Variants in DCAF1 observed in about 807,000 individuals in gnomAD.
DCAF1 encodes the protein DDB1- and CUL4-associated factor 1.
In DCAF1, 15 loss-of-function variants were observed where a neutral mutation model predicts 128.0. The observed-to-expected ratio is 0.12, with a 90% CI of 0.08 to 0.18. The LOEUF is 0.18. Among genes scored for constraint, DCAF1 ranks in the 10% least tolerant of loss-of-function variants. DCAF1 has a pLI of 1.00. For missense variants in DCAF1, 988 were observed against 1,649.5 expected (o/e 0.60, Z 6.95); for synonymous variants, 610 against 603.0 (o/e 1.01, Z -0.17).
chr3:51,485,881 ATTTATTTTT>A (rs1393527988), intron 2 of DCAF1, among the ~76,000 whole-genome samples: 10 of 17,664 alleles, frequency 5.7e-4, no homozygotes, highest in Middle Eastern at 0.071. Flanking sequence ...CAAAAAGATT[ATTTATTTTT>A]TTTTTTTTTT....
In DCAF1 at chr3:51,451,069, C is replaced by CTTTTTTTTTTTT. The variant is rs1167474829; in HGVS notation, c.376-7178_376-7167dup. On this transcript the variant is annotated intron_variant, in intron 6 of 24. Coordinates refer to ENST00000684031, the MANE Select transcript of DCAF1 (RefSeq NM_001387579.1). ...CAATGAACAATATAAAAAGGAAATT[C>CTTTTTTTTTTTT]TTTTTTTTTTTTTTTTTTTTTTTTT... Among the ~76,000 whole-genome samples, 22 of 27,110 alleles carry CTTTTTTTTTTTT rather than the reference C, an allele frequency of 8.1e-4. 10 individuals carry two copies. Among genetic ancestry groups the CTTTTTTTTTTTT allele is most frequent in the Non-Finnish European group, 1.1e-3 (16 of 14,666 alleles). 17.8% of individuals were successfully genotyped at this position (27,110 alleles called of 152,430 possible).
intron 9 of DCAF1, among the ~76,000 whole-genome samples, chr3:51,439,062 G>C (rs1398378328): frequency 2.0e-5 from 3 of 152,116 alleles, no homozygotes; most frequent in Non-Finnish European, 4.4e-5. Flanking sequence ...ATTAAGTGTG[G>C]ACCTTGTGAA....
At chr3:51,460,755 C>T (rs1553644263) in intron 6 of DCAF1, among the ~76,000 whole-genome samples, 4 of 151,476 alleles carry the variant, frequency 2.6e-5, no homozygotes, top group Admixed American at 1.3e-4. Context: ...GAAATAATGC[C>T]GCATATCTAC....
chr3:51,463,709 G>C (rs1483442633), intron 5 of DCAF1, among the ~76,000 whole-genome samples: 8 of 152,010 alleles, frequency 5.3e-5, no homozygotes, highest in African/African-American at 1.7e-4. Context: ...CCAGAGCCCA[G>C]GATGTCAAGG....
At chr3:51,401,801 A>G (rs191752285) in intron 24 of DCAF1, among the ~76,000 whole-genome samples, 160 of 152,376 alleles carry the variant, frequency 1.1e-3, no homozygotes, top group South Asian at 3.5e-3. Context: ...GAAAGGAGGT[A>G]TAACTTGTTT....
intron 9 of DCAF1, among the ~76,000 whole-genome samples, chr3:51,433,533 C>T (rs1203530350): frequency 6.6e-6 from 1 of 151,600 alleles, no homozygotes; most frequent in African/African-American, 2.4e-5. Flanking sequence ...GCAGTCTTGG[C>T]TCACTGCAAC....
At chr3:51,431,665 G>A (rs1191566683) in intron 10 of DCAF1, among the ~76,000 whole-genome samples, 1 of 152,066 alleles carries the variant, frequency 6.6e-6, no homozygotes, top group Non-Finnish European at 1.5e-5. Flanking sequence ...TATAAAACAA[G>A]CATCAGCTGA....
At chr3:51,396,895 C>CTTAACCAGTAAA (rs2089240070), downstream of DCAF1, 5 of 167,012 alleles carry the variant, frequency 3.0e-5, no homozygotes, top group Non-Finnish European at 7.3e-5. Context: ...TCAGACTATT[C>CTTAACCAGTAAA]CACTGGTTAA....
chr3:51,426,187 T>C (rs1168794638), intron 13 of DCAF1, among the ~76,000 whole-genome samples: 2 of 152,038 alleles, frequency 1.3e-5, no homozygotes, highest in African/African-American at 4.8e-5. Flanking sequence ...AAATTTTTCA[T>C]GAATAACGCA....
chr3:51,483,241 C>A (rs913149726), intron 3 of DCAF1, among the ~76,000 whole-genome samples: 1 of 150,330 alleles, frequency 6.7e-6, no homozygotes, highest in Non-Finnish European at 1.5e-5. Context: ...GAGTTCGAGA[C>A]CAGCCTGATC....
chr3:51,482,643 T>C (rs1706357688), intron 3 of DCAF1, among the ~76,000 whole-genome samples: 1 of 148,264 alleles, frequency 6.7e-6, no homozygotes, highest in African/African-American at 2.5e-5. Flanking sequence ...CGTGCACCTG[T>C]AATCCCAGCT....
chr3:51,408,651 TCCA>T (rs1553627440), intron 23 of DCAF1, among the ~76,000 whole-genome samples: 2 of 152,098 alleles, frequency 1.3e-5, no homozygotes, highest in African/African-American at 4.8e-5. Flanking sequence ...ACAGCCAAAC[TCCA>T]CCACAAGATT....
chr3:51,467,996 C>G (rs1450569129), intron 4 of DCAF1, among the ~76,000 whole-genome samples: 1 of 152,142 alleles, frequency 6.6e-6, no homozygotes, highest in Non-Finnish European at 1.5e-5. Context: ...TAAGGACACC[C>G]TGGGTCAGGG....
At chr3:51,440,490 C>T (rs1553638321) in intron 9 of DCAF1, among the ~76,000 whole-genome samples, 1 of 152,164 alleles carries the variant, frequency 6.6e-6, no homozygotes, top group African/African-American at 2.4e-5. Context: ...GCACTTGTCT[C>T]AGCTACTCAG....
chr3:51,435,711 CA>C (rs879994512), intron 9 of DCAF1, among the ~76,000 whole-genome samples: 21 of 140,762 alleles, frequency 1.5e-4, no homozygotes, highest in African/African-American at 1.8e-4. Context: ...AACTCTGTCT[CA>C]AAAAAAAAAA....
At position 51,424,794 on chromosome 3, in the gene DCAF1, CGTT is replaced by C. The variant is rs368276930; in HGVS notation, c.1848-2366_1848-2364del. ...TTTAAAAACATGCAAAGCAGTATGA[CGTT>C]ATTATTTATGAACACACAGATATAT... On this transcript the variant is annotated intron_variant, in intron 13 of 24. Transcript: ENST00000684031. Among the ~76,000 whole-genome samples the C allele has an allele frequency of 7.2e-5, 11 of 152,106 alleles. No homozygotes were observed. In the South Asian group the frequency reaches 1.2e-3, roughly 17 times the overall value.
intron 3 of DCAF1, among the ~76,000 whole-genome samples, chr3:51,483,139 G>GAAA (rs374351985): frequency 2.4e-5 from 3 of 125,048 alleles, no homozygotes; most frequent in African/African-American, 3.1e-5. Flanking sequence ...AACTCCGTAT[G>GAAA]AAAAAAAAAA....
intron 21 of DCAF1, 90 bp from the exon 22 acceptor site, chr3:51,413,156 T>C (rs1698581042): frequency 2.5e-6 from 4 of 1,571,130 alleles, no homozygotes; most frequent in Non-Finnish European, 3.5e-6. Context: ...GGATGATTGC[T>C]CAAAAGTATT....
intron 17 of DCAF1, among the ~76,000 whole-genome samples, chr3:51,417,401 A>G (rs1698975779): frequency 6.6e-6 from 1 of 152,184 alleles, no homozygotes; most frequent in Admixed American, 6.5e-5. Flanking sequence ...CCTAAGTGAC[A>G]GAATGAGACC....
Sources: allele counts gnomAD v4.1 joint callset (sites outside exome capture counted in the v4.1 genomes callset), GRCh38; gene constraint gnomAD v4.1.1; transcripts MANE v1.5; gene names NCBI Gene and HGNC (gene_info 2026-07-23, HGNC 2026-07-21).